The following PRKG1 variants were observed in gnomAD, a reference collection of about 807,000 sequenced individuals.
PRKG1 encodes cGMP-dependent protein kinase 1.
A neutral mutation model predicts 88.1 loss-of-function variants in PRKG1; 35 were observed. The ratio of observed to expected loss-of-function variants is 0.40; its 90% CI spans 0.30 to 0.53. The LOEUF (loss-of-function observed/expected upper bound fraction) is 0.53. Among genes scored for constraint, PRKG1 ranks in the 20% least tolerant of loss-of-function variants. The pLI, the probability that PRKG1 is intolerant of heterozygous loss-of-function variation, is 0.59. For missense variants in PRKG1, 540 were observed against 839.8 expected (o/e 0.64, Z 4.41); for synonymous variants, 303 against 292.5 (o/e 1.04, Z -0.37).
chr10:51,197,937 A>C (rs906185379), intron 2 of PRKG1, among the ~76,000 whole-genome samples: 3 of 151,842 alleles, frequency 2.0e-5, no homozygotes, highest in Non-Finnish European at 4.4e-5. Context: ...ATTCGACTTT[A>C]AAAGTGTTTC....
intron 2 of PRKG1, among the ~76,000 whole-genome samples, chr10:51,375,759 G>A (rs1161430080): frequency 2.1e-5 from 3 of 139,648 alleles, no homozygotes; most frequent in South Asian, 4.8e-4. Context: ...GGTGGTGGGG[G>A]GGTGTTACTA....
intron 4 of PRKG1, among the ~76,000 whole-genome samples, chr10:51,838,784 C>T (rs1589339214): frequency 6.6e-6 from 1 of 152,172 alleles, no homozygotes; most frequent in South Asian, 2.1e-4. Context: ...TCACGCTACC[C>T]CTAGGGCTAT....
At chr10:51,085,230 G>A (rs1006401963) in intron 1 of PRKG1, among the ~76,000 whole-genome samples, 2 of 152,126 alleles carry the variant, frequency 1.3e-5, no homozygotes, top group African/African-American at 4.8e-5. Context: ...TAATACCTAC[G>A]TTACCTAATT....
intron 4 of PRKG1, among the ~76,000 whole-genome samples, chr10:51,869,405 T>G (rs1171118503): frequency 6.6e-6 from 1 of 152,138 alleles, no homozygotes. Flanking sequence ...TTTAATAAAG[T>G]ATGTTTTACT....
At chr10:51,230,041 C>A (rs942091297) in intron 2 of PRKG1, among the ~76,000 whole-genome samples, 1 of 151,554 alleles carries the variant, frequency 6.6e-6, no homozygotes, top group African/African-American at 2.4e-5. Flanking sequence ...CTTGTAAGTG[C>A]TATTTTTCAA....
At chr10:51,872,972 T>C (rs1469492725) in intron 4 of PRKG1, among the ~76,000 whole-genome samples, 1 of 152,132 alleles carries the variant, frequency 6.6e-6, no homozygotes, top group African/African-American at 2.4e-5. Flanking sequence ...ACCGTAATGT[T>C]TGTATGACCT....
Position 52,294,050 on chromosome 10 carries a change from G to A in PRKG1, c.*150G>A, listed in dbSNP as rs375617859. 7.1e-5 allele frequency: 43 copies of A among 606,594 alleles called. No homozygotes were observed. The highest frequency in any genetic ancestry group is 1.2e-4 in the Non-Finnish European group (41 of 347,272). 37.6% of individuals were successfully genotyped at this position (606,594 alleles called of 1,614,324 possible). On this transcript the variant is annotated 3_prime_UTR_variant, in exon 18 of 18. Coordinates refer to ENST00000373980, the MANE Select transcript of PRKG1 (RefSeq NM_006258.4). Reference sequence around the variant, plus strand: ...TGCTCCAGTAACTACAGTGGCATTAGGACTTACCGCTTAGATGACAATAGT... The same window carrying A: ...TGCTCCAGTAACTACAGTGGCATTAAGACTTACCGCTTAGATGACAATAGT...
At chr10:51,082,862 C>T (rs1844148337) in intron 1 of PRKG1, among the ~76,000 whole-genome samples, 3 of 152,120 alleles carry the variant, frequency 2.0e-5, no homozygotes, top group Non-Finnish European at 2.9e-5. Context: ...TTACAATCAC[C>T]TAGGGAGCTT....
intron 5 of PRKG1, among the ~76,000 whole-genome samples, chr10:51,914,085 T>G (rs1842284519): frequency 1.3e-5 from 2 of 152,238 alleles, no homozygotes; most frequent in South Asian, 4.1e-4. Context: ...TTCTCTTATG[T>G]ATACTAAGAT....
chr10:51,345,668 A>C (rs758857559), intron 2 of PRKG1, among the ~76,000 whole-genome samples: 7 of 152,228 alleles, frequency 4.6e-5, no homozygotes, highest in Non-Finnish European at 7.3e-5. Context: ...AGGAAGGGAA[A>C]TAGCCTTATC....
intron 3 of PRKG1, among the ~76,000 whole-genome samples, chr10:51,523,242 TG>T: frequency 6.6e-6 from 1 of 152,266 alleles, no homozygotes; most frequent in South Asian, 2.1e-4. Flanking sequence ...TGTGCTTGCT[TG>T]GGGAGCATCT....
At chr10:52,164,746 T>C (rs1838384294) in intron 9 of PRKG1, among the ~76,000 whole-genome samples, 1 of 152,146 alleles carries the variant, frequency 6.6e-6, no homozygotes. Flanking sequence ...TTACACTTTT[T>C]CCCCCAGTTT....
chr10:52,280,908 A>G lies in PRKG1; in HGVS notation c.1523A>G (p.Asp508Gly), dbSNP rs562013193. 1 of 1,613,442 alleles carries G rather than the reference A, an allele frequency of 6.2e-7. No homozygotes were observed. The highest frequency in any genetic ancestry group is 1.3e-5 in the African/African-American group (1 of 74,982). ...CTCAAGCCAGAAAATCTCATCCTAG[A>G]TCACCGAGGTTATGCCAAACTGGTC... ...RDLKPENLIL[D>G]HRGYAKLVDF... is the part of the protein sequence containing the mutation. The change falls in exon 13 of 18, where the codon GAT becomes GGT. Residue 508 changes from aspartate to glycine, a missense_variant. By Grantham distance (94) the Asp-to-Gly change is moderately conservative. Transcript: ENST00000373980.
intron 1 of PRKG1, among the ~76,000 whole-genome samples, chr10:51,004,070 T>A (rs74133928): frequency 3.9e-5 from 6 of 152,122 alleles, no homozygotes; most frequent in Admixed American, 3.9e-4. Context: ...ACAGTGAGAG[T>A]CCTAGGTCAA....
chr10:51,356,230 G>A (rs1405156336), intron 2 of PRKG1, among the ~76,000 whole-genome samples: 1 of 152,016 alleles, frequency 6.6e-6, no homozygotes, highest in East Asian at 1.9e-4. Flanking sequence ...TACTGCCAGA[G>A]CAAGTGTGAT....
chr10:51,339,658 G>A (rs994218242), intron 2 of PRKG1, among the ~76,000 whole-genome samples: 7 of 151,802 alleles, frequency 4.6e-5, no homozygotes, highest in Non-Finnish European at 8.8e-5. Context: ...ATAAGTTCGT[G>A]TAGTATATGC....
At chr10:51,500,135 G>T (rs927559945) in intron 3 of PRKG1, among the ~76,000 whole-genome samples, 1 of 152,104 alleles carries the variant, frequency 6.6e-6, no homozygotes, top group Non-Finnish European at 1.5e-5. Context: ...AAGATTAGAT[G>T]TATCCAAGTT....
chr10:51,557,774 G>A (rs543617849), intron 3 of PRKG1, among the ~76,000 whole-genome samples: 1 of 152,120 alleles, frequency 6.6e-6, no homozygotes, highest in African/African-American at 2.4e-5. Flanking sequence ...TCAGAGTGTG[G>A]TTCTCATCTA....
intron 1 of PRKG1, among the ~76,000 whole-genome samples, chr10:51,140,394 T>A (rs1457770177): frequency 1.3e-5 from 2 of 152,142 alleles, no homozygotes; most frequent in African/African-American, 4.8e-5. Flanking sequence ...AAAATGCTTG[T>A]TGAATGAATA....
Sources: gnomAD v4.1 joint callset for allele counts (sites outside exome capture counted in the v4.1 genomes callset) on GRCh38, gnomAD v4.1.1 for gene constraint, MANE v1.5 for transcripts, NCBI Gene and HGNC (gene_info 2026-07-23, HGNC 2026-07-21) for gene names.